Variants in LPGAT1 observed in about 807,000 individuals in gnomAD.
LPGAT1 encodes acyl-CoA:lysophosphatidylglycerol acyltransferase 1.
Under a neutral mutation model 47.5 loss-of-function variants are expected in LPGAT1, and 11 were observed. That is an observed-to-expected ratio of 0.23 (90% CI 0.15 to 0.38). LPGAT1 has a LOEUF of 0.38. Ranked by LOEUF, LPGAT1 falls within the 10% of genes least tolerant of loss-of-function variation. LPGAT1 has a pLI of 1.00. For missense variants in LPGAT1, 293 were observed against 439.0 expected, an observed-to-expected ratio of 0.67 and a Z score of 2.97; for synonymous variants, 138 against 144.2, an observed-to-expected ratio of 0.96 and a Z score of 0.31.
At chr1:211,794,325 A>G (rs1659262003) in intron 2 of LPGAT1, among the ~76,000 whole-genome samples, 1 of 152,102 alleles carries the variant, frequency 6.6e-6, no homozygotes, top group East Asian at 1.9e-4. Context: ...TTGAGACAGG[A>G]TCTTGCTCTG....
intron 2 of LPGAT1, among the ~76,000 whole-genome samples, chr1:211,799,151 A>T (rs1659470223): frequency 6.6e-6 from 1 of 152,148 alleles, no homozygotes; most frequent in South Asian, 2.1e-4. Flanking sequence ...AATCATGGTC[A>T]GTGTCCCTTT....
intron 5 of LPGAT1, among the ~76,000 whole-genome samples, chr1:211,779,859 A>C (rs1185839381): frequency 6.9e-6 from 1 of 145,810 alleles, no homozygotes; most frequent in African/African-American, 2.6e-5. Flanking sequence ...TCTCAAAATA[A>C]ATAAATAAAT....
At chr1:211,750,912 T>A (rs1025396177) in intron 7 of LPGAT1, 49 bp downstream of exon 7, 5 of 1,325,272 alleles carry the variant, frequency 3.8e-6, no homozygotes. Context: ...AAAAGAGGCT[T>A]TCATTACTGT....
chr1:211,810,476 C>T (rs1659949128), intron 2 of LPGAT1, among the ~76,000 whole-genome samples: 1 of 152,136 alleles, frequency 6.6e-6, no homozygotes, highest in South Asian at 2.1e-4. Flanking sequence ...ATGCTGTTCC[C>T]TGTCATATTC....
chr1:211,781,746 C>A (rs867339590), intron 5 of LPGAT1, among the ~76,000 whole-genome samples: 36 of 152,088 alleles, frequency 2.4e-4, no homozygotes, highest in Middle Eastern at 3.2e-3. Flanking sequence ...AGGAAACAGG[C>A]CTAGTGAATG....
At position 211,829,126 on chromosome 1, in the gene LPGAT1, G is replaced by A. The variant is rs374276472; in HGVS notation, c.171C>T (p.Ile57=). The stretch of plus-strand genomic sequence containing the variant: ...AAAGCCATTTATACATGATTCCTTC[G>A]ATATACCAGAACCGCTTACTGTCCA... ...RVLDSKRFWY[I]EGIMYKWLLG... Residue 57 remains isoleucine, a synonymous_variant, in exon 2 of 8, where the codon ATC becomes ATT. Coordinates refer to ENST00000366997, the MANE Select transcript of LPGAT1 (RefSeq NM_014873.3). 6 of 1,613,876 alleles carry A rather than the reference G, an allele frequency of 3.7e-6. No homozygotes were observed. In the East Asian group the frequency reaches 6.7e-5, roughly 18 times the overall value.
At chr1:211,773,483 A>G (rs1658261034) in intron 6 of LPGAT1, among the ~76,000 whole-genome samples, 1 of 152,212 alleles carries the variant, frequency 6.6e-6, no homozygotes, top group African/African-American at 2.4e-5. Context: ...CAAGTTACAC[A>G]TGAAAACAAC....
intron 7 of LPGAT1, among the ~76,000 whole-genome samples, chr1:211,750,684 G>A (rs1373107793): frequency 6.6e-6 from 1 of 152,152 alleles, no homozygotes; most frequent in Non-Finnish European, 1.5e-5. Context: ...AAAGTAAACA[G>A]ATGTCTTTAA....
At chr1:211,821,357 T>C (rs1158296277) in intron 2 of LPGAT1, among the ~76,000 whole-genome samples, 3 of 152,202 alleles carry the variant, frequency 2.0e-5, no homozygotes, top group Non-Finnish European at 4.4e-5. Context: ...GAGAAACTAC[T>C]AGAGGATAAA....
At chr1:211,775,242 G>A (rs1210638248) in intron 6 of LPGAT1, among the ~76,000 whole-genome samples, 5 of 152,150 alleles carry the variant, frequency 3.3e-5, no homozygotes, top group African/African-American at 4.8e-5. Context: ...GCTTGAACCC[G>A]CAAGGCAGAG....
At chr1:211,827,221 G>A (rs1052856936) in intron 2 of LPGAT1, among the ~76,000 whole-genome samples, 1 of 152,160 alleles carries the variant, frequency 6.6e-6, no homozygotes, top group Non-Finnish European at 1.5e-5. Flanking sequence ...GCCTGAAGAA[G>A]AGCAGATGCT....
intron 3 of LPGAT1, among the ~76,000 whole-genome samples, chr1:211,789,682 C>T (rs1249873910): frequency 1.3e-5 from 2 of 152,076 alleles, no homozygotes; most frequent in Admixed American, 1.3e-4. Flanking sequence ...GAGATCGAGA[C>T]CATCCTGGTC....
chr1:211,769,532 T>G (rs1034259276), intron 6 of LPGAT1, among the ~76,000 whole-genome samples: 1 of 152,038 alleles, frequency 6.6e-6, no homozygotes. Context: ...TAGACTAAAG[T>G]GAAAGCAAAT....
chr1:211,830,492 C>A lies in LPGAT1; in HGVS notation c.-28+81G>T, dbSNP rs1157256640. Reference sequence around the variant, plus strand: ...CTCCCCGGGCCACGCGACGACGACACCCCCTTCCCCGCCCCCAGCGCCTCC... The same window carrying A: ...CTCCCCGGGCCACGCGACGACGACAACCCCTTCCCCGCCCCCAGCGCCTCC... On this transcript the variant is annotated intron_variant, in intron 1 of 7. Coordinates refer to ENST00000366997, the MANE Select transcript of LPGAT1 (RefSeq NM_014873.3). This position sits in a 1 kb window ranked among gnomAD's most constrained non-coding sequence, Gnocchi z 5.9. 1.7e-6 allele frequency: 2 copies of A among 1,191,448 alleles called. No individual in the cohort carries two copies. The highest frequency in any genetic ancestry group is 3.5e-5 in the East Asian group (1 of 28,572). 73.8% of individuals were successfully genotyped at this position (1,191,448 alleles called of 1,614,324 possible). A position where few individuals can be genotyped will look rare whatever the true frequency, so the allele number is the denominator to read the frequency against.
chr1:211,821,534 G>A (rs1197231336), intron 2 of LPGAT1, among the ~76,000 whole-genome samples: 1 of 152,140 alleles, frequency 6.6e-6, no homozygotes, highest in Admixed American at 6.5e-5. Context: ...AAAGAAGGGA[G>A]AAAGCAGAGA....
chr1:211,761,622 A>G (rs1313986054), intron 6 of LPGAT1, among the ~76,000 whole-genome samples: 2 of 152,186 alleles, frequency 1.3e-5, no homozygotes, highest in East Asian at 3.8e-4. Flanking sequence ...TCAATGTCCA[A>G]TTATGTGAGC....
intron 2 of LPGAT1, among the ~76,000 whole-genome samples, chr1:211,808,491 A>G (rs1659847367): frequency 6.6e-6 from 1 of 152,230 alleles, no homozygotes; most frequent in Admixed American, 6.5e-5. Flanking sequence ...CAACATCATT[A>G]GCCACTAGGG....
Position 211,749,678 on chromosome 1 carries a change from T to G in LPGAT1, c.*221A>C. On this transcript the variant is annotated 3_prime_UTR_variant, in exon 8 of 8. Coordinates refer to ENST00000366997, the MANE Select transcript of LPGAT1 (RefSeq NM_014873.3). ...GCTTAAATATGTGATAGAGTGTATC[T>G]TTTTAAAACATGTTCTTAAAATATA... 3 of 481,822 alleles carry G rather than the reference T, an allele frequency of 6.2e-6. No individual in the cohort carries two copies. The highest frequency in any genetic ancestry group is 1.1e-5 in the Non-Finnish European group (3 of 275,330). 29.8% of individuals were successfully genotyped at this position (481,822 alleles called of 1,614,324 possible). A position where few individuals can be genotyped will look rare whatever the true frequency, so the allele number is the denominator to read the frequency against.
intron 6 of LPGAT1, among the ~76,000 whole-genome samples, chr1:211,756,320 A>G (rs966601703): frequency 1.3e-4 from 20 of 152,308 alleles, no homozygotes; most frequent in African/African-American, 4.1e-4. Flanking sequence ...GAATAAGCTA[A>G]CAACAGAAAG....
Sources: gnomAD v4.1 joint callset for allele counts (sites outside exome capture counted in the v4.1 genomes callset) on GRCh38, gnomAD v4.1.1 for gene constraint, Gnocchi (gnomAD v3.1) non-coding constraint, MANE v1.5 for transcripts, NCBI Gene and HGNC (gene_info 2026-07-23, HGNC 2026-07-21) for gene names.